The following SEPTIN14 variants were observed in gnomAD, a reference collection of about 807,000 sequenced individuals.
SEPTIN14 encodes the protein septin 14.
SEPTIN14 carries 40 observed loss-of-function variants against 53.6 expected under a neutral mutation model. The ratio of observed to expected loss-of-function variants is 0.75; its 90% CI spans 0.58 to 0.97. SEPTIN14 has a LOEUF of 0.97. Ranked by LOEUF, SEPTIN14 falls within the 50% of genes least tolerant of loss-of-function variation. The probability of loss-of-function intolerance (pLI) is 0.00; values close to 1 mark genes in which losing one functional copy is unlikely to be tolerated. For missense variants in SEPTIN14, 471 were observed against 508.2 expected (o/e 0.93, Z 0.70); for synonymous variants, 138 against 166.8 (o/e 0.83, Z 1.33).
chr7:55,811,463 C>T, intron 7 of SEPTIN14: 7 of 319,762 alleles, frequency 2.2e-5, no homozygotes, highest in Non-Finnish European at 3.8e-5. Flanking sequence ...GGAAGGCAAA[C>T]TCTTCTCCAA....
chr7:55,817,900 T>C (rs1459193874), intron 7 of SEPTIN14, among the ~76,000 whole-genome samples: 2 of 152,220 alleles, frequency 1.3e-5, no homozygotes, highest in African/African-American at 4.8e-5. Context: ...AAACATCATG[T>C]TGTACATAAG....
intron 5 of SEPTIN14, 43 bp downstream of exon 5, chr7:55,842,899 C>T: frequency 7.6e-7 from 1 of 1,319,662 alleles, no homozygotes; most frequent in Non-Finnish European, 1.0e-6. Flanking sequence ...CAGAGGGAGA[C>T]TCCGTCTCAA....
chr7:55,817,495 G>A (rs1434813262), intron 7 of SEPTIN14, among the ~76,000 whole-genome samples: 1 of 149,224 alleles, frequency 6.7e-6, no homozygotes, highest in Non-Finnish European at 1.5e-5. Context: ...TTTTGAAAAG[G>A]AGTCTCGCTC....
At chr7:55,806,825 T>G (rs752963665) in intron 8 of SEPTIN14, among the ~76,000 whole-genome samples, 1 of 152,174 alleles carries the variant, frequency 6.6e-6, no homozygotes, top group Non-Finnish European at 1.5e-5. Flanking sequence ...AACAAAATAC[T>G]GGGTTTTTTC....
At chr7:55,832,202 AACACACACACAC>A (rs112349116) in intron 6 of SEPTIN14, among the ~76,000 whole-genome samples, 378 of 145,098 alleles carry the variant, frequency 2.6e-3, no homozygotes, top group South Asian at 0.016. Flanking sequence ...CTCTGTCTCA[AACACACACACAC>A]ACACACACAC....
At chr7:55,859,747 GA>G (rs530112817) in intron 2 of SEPTIN14, among the ~76,000 whole-genome samples, 6 of 151,362 alleles carry the variant, frequency 4.0e-5, no homozygotes, top group East Asian at 3.9e-4. Flanking sequence ...ATACCCAAAG[GA>G]AAAAAAATCA....
chr7:55,848,964 T>C (rs1468467324), intron 2 of SEPTIN14, among the ~76,000 whole-genome samples: 1 of 151,996 alleles, frequency 6.6e-6, no homozygotes, highest in Non-Finnish European at 1.5e-5. Flanking sequence ...AAGGAAAGTG[T>C]GCATACACAA....
At chr7:55,835,554 A>C (rs1789191088) in intron 5 of SEPTIN14, among the ~76,000 whole-genome samples, 1 of 152,130 alleles carries the variant, frequency 6.6e-6, no homozygotes, top group African/African-American at 2.4e-5. Flanking sequence ...ATAAAAGACA[A>C]ATTCAAAGAA....
intron 6 of SEPTIN14, among the ~76,000 whole-genome samples, chr7:55,820,236 G>A (rs1481206811): frequency 2.0e-5 from 3 of 152,148 alleles, no homozygotes; most frequent in African/African-American, 7.2e-5. Context: ...CCTGACCTCA[G>A]GTGTTCTGTC....
intron 7 of SEPTIN14, among the ~76,000 whole-genome samples, chr7:55,809,309 CTTT>C (rs780613537): frequency 0.044 from 3,928 of 88,622 alleles, 85 homozygotes; most frequent in South Asian, 0.072. Context: ...ACTATGCTTA[CTTT>C]TTTTTTTTTT....
chr7:55,798,722 G>T, intron 9 of SEPTIN14: 1 of 239,578 alleles, frequency 4.2e-6, no homozygotes, highest in South Asian at 4.7e-5. Flanking sequence ...CCAGATCCTG[G>T]GCGAGTGGTG....
intron 3 of SEPTIN14, among the ~76,000 whole-genome samples, chr7:55,845,194 G>A (rs1393789507): frequency 6.6e-6 from 1 of 152,118 alleles, no homozygotes; most frequent in Non-Finnish European, 1.5e-5. Context: ...TAAAAAAGAA[G>A]GAGATCATGT....
intron 6 of SEPTIN14, among the ~76,000 whole-genome samples, chr7:55,822,174 C>G (rs1788906704): frequency 1.3e-5 from 2 of 152,042 alleles, no homozygotes; most frequent in Non-Finnish European, 2.9e-5. Context: ...GGAGACACAG[C>G]CAAACCATAT....
intron 5 of SEPTIN14, among the ~76,000 whole-genome samples, chr7:55,837,170 C>T (rs900681212): frequency 7.4e-5 from 11 of 149,206 alleles, no homozygotes; most frequent in East Asian, 3.9e-4. Context: ...GTCTGCAGTG[C>T]GGTGGCATGA....
chr7:55,846,065 G>GTATATATGTATATATATATATATA (rs1789398986), intron 3 of SEPTIN14, among the ~76,000 whole-genome samples: 1 of 39,756 alleles, frequency 2.5e-5, no homozygotes, highest in Non-Finnish European at 5.3e-5. Context: ...AAAAAAAAAA[G>GTATATATGTATATATATATATATA]TATATATATA....
At chr7:55,802,581 T>C (rs1319763466) in intron 9 of SEPTIN14, among the ~76,000 whole-genome samples, 1 of 151,974 alleles carries the variant, frequency 6.6e-6, no homozygotes, top group Non-Finnish European at 1.5e-5. Context: ...TCTCAAAACA[T>C]ATGTAAATCT....
intron 9 of SEPTIN14, among the ~76,000 whole-genome samples, chr7:55,796,361 C>T (rs1263667239): frequency 3.9e-5 from 6 of 151,948 alleles, no homozygotes; most frequent in Non-Finnish European, 7.4e-5. Context: ...TCTCCTGGTT[C>T]GAGTGATTCT....
chr7:55,834,391 T>C (rs1310205018), intron 6 of SEPTIN14, 34 bp downstream of exon 6: 1 of 1,551,434 alleles, frequency 6.4e-7, no homozygotes, highest in Non-Finnish European at 8.7e-7. Context: ...CACTCATTTC[T>C]AGCCTCTTTG....
chr7:55,862,107 T>C (rs201026270), intron 1 of SEPTIN14, 96 bp from the exon 2 acceptor site: 2 of 718,116 alleles, frequency 2.8e-6, no homozygotes, highest in East Asian at 2.9e-5. Flanking sequence ...AATATGGGTA[T>C]TTTTGCAAGC....
Sources: gnomAD v4.1 joint callset for allele counts (sites outside exome capture counted in the v4.1 genomes callset) on GRCh38, gnomAD v4.1.1 for gene constraint, MANE v1.5 for transcripts, NCBI Gene and HGNC (gene_info 2026-07-23, HGNC 2026-07-21) for gene names.